GPT2: variants seen among roughly 807,000 people sequenced by gnomAD.
The protein encoded by GPT2 is glutamic--pyruvic transaminase 2, also known as alanine aminotransferase 2.
A neutral mutation model predicts 56.9 loss-of-function variants in GPT2; 30 were observed. That is an observed-to-expected ratio of 0.53 (90% CI 0.39 to 0.72). GPT2 has a LOEUF of 0.72. GPT2 is among the 30% of genes least tolerant of loss of function. GPT2 has a pLI of 0.00. For synonymous variants in GPT2, 271 were observed against 283.1 expected, an observed-to-expected ratio of 0.96 and a Z score of 0.43; for missense variants, 542 against 703.4, an observed-to-expected ratio of 0.77 and a Z score of 2.60.
intron 2 of GPT2, among the ~76,000 whole-genome samples, chr16:46,896,434 T>G (rs1960687415): frequency 6.6e-6 from 1 of 151,994 alleles, no homozygotes; most frequent in African/African-American, 2.4e-5. Flanking sequence ...CTTCAGTCAG[T>G]CTTTTTAATC....
rs192990566 is a variant in GPT2 at position 46,923,390 on chromosome 16, G to A, written c.1212+974G>A. Among the ~76,000 whole-genome samples the A allele has an allele frequency of 8.7e-4, 132 of 152,332 alleles. 1 individual carries two copies. The South Asian group carries it at 0.02, about 23-fold the overall frequency. ...GGAGAATCACTTGAACCCAGGAGGC[G>A]GAGGTTGCAGTGGGCTGAGATTGCG... On this transcript the variant is annotated intron_variant, in intron 9 of 11. Coordinates refer to ENST00000340124, the MANE Select transcript of GPT2 (RefSeq NM_133443.4).
At chr16:46,906,463 C>G (rs1336759240) in intron 4 of GPT2, among the ~76,000 whole-genome samples, 2 of 152,236 alleles carry the variant, frequency 1.3e-5, no homozygotes, top group African/African-American at 4.8e-5. Context: ...GCTCTAGTGA[C>G]TGACATTGTC....
intron 5 of GPT2, 66 bp downstream of exon 5, chr16:46,907,041 G>C (rs926174791): frequency 6.2e-7 from 1 of 1,602,796 alleles, no homozygotes; most frequent in South Asian, 1.1e-5. Context: ...TTGCCTGTTA[G>C]GGCCCAGCAT....
intron 2 of GPT2, 161 bp downstream of exon 2, chr16:46,885,119 C>G: frequency 7.4e-7 from 1 of 1,354,086 alleles, no homozygotes; most frequent in Non-Finnish European, 9.5e-7. Context: ...CGCCCGTTCA[C>G]TTACTGGTGC....
intron 4 of GPT2, among the ~76,000 whole-genome samples, chr16:46,901,150 C>T (rs1021138068): frequency 2.6e-5 from 4 of 152,340 alleles, no homozygotes; most frequent in African/African-American, 7.2e-5. Context: ...TGTTCAGCAT[C>T]CTTGCCTCTC....
intron 2 of GPT2, among the ~76,000 whole-genome samples, chr16:46,894,417 C>T (rs1960644708): frequency 6.6e-6 from 1 of 152,230 alleles, no homozygotes; most frequent in African/African-American, 2.4e-5. Context: ...ACAATTCAGT[C>T]AGGCTGAGCA....
intron 10 of GPT2, among the ~76,000 whole-genome samples, chr16:46,924,805 G>C (rs1361812691): frequency 2.0e-5 from 3 of 152,248 alleles, no homozygotes; most frequent in Non-Finnish European, 2.9e-5. Context: ...CTGCTCCCAA[G>C]GGCGGTGCCC....
At chr16:46,889,175 A>G (rs1289489271) in intron 2 of GPT2, among the ~76,000 whole-genome samples, 1 of 148,058 alleles carries the variant, frequency 6.8e-6, no homozygotes, top group African/African-American at 2.5e-5. Flanking sequence ...CACAAGGCGT[A>G]TGCCACCACG....
chr16:46,921,498 C>T (rs938564865), intron 8 of GPT2, among the ~76,000 whole-genome samples: 1 of 152,056 alleles, frequency 6.6e-6, no homozygotes, highest in African/African-American at 2.4e-5. Context: ...TACTAAGCAT[C>T]TCATTGTGTC....
intron 2 of GPT2, among the ~76,000 whole-genome samples, chr16:46,897,019 A>G (rs1035549591): frequency 6.6e-6 from 1 of 152,144 alleles, no homozygotes; most frequent in African/African-American, 2.4e-5. Context: ...CCATGATCAC[A>G]CCACTGCACT....
In GPT2 at chr16:46,911,746, A is replaced by G. The variant is rs148491804; in HGVS notation, c.820+1819A>G. Among the ~76,000 whole-genome samples, 25 of 152,292 alleles carry G rather than the reference A, an allele frequency of 1.6e-4. No homozygotes were observed. In the East Asian group the frequency reaches 4.6e-3, roughly 28 times the overall value. The stretch of plus-strand genomic sequence containing the variant: ...GGTTTGAGAGTTTGCATCTCTAACA[A>G]ATTCCCAGGTGATACTGATGCCGGG... On this transcript the variant is annotated intron_variant, in intron 6 of 11. Transcript: ENST00000340124.
At chr16:46,926,486 A>G (rs1486419306) in intron 10 of GPT2, among the ~76,000 whole-genome samples, 6 of 151,934 alleles carry the variant, frequency 3.9e-5, no homozygotes, top group Non-Finnish European at 7.4e-5. Flanking sequence ...AGAACCTGAG[A>G]ATCTGTAGTT....
Position 46,909,786 on chromosome 16 carries a change from G to A in GPT2, c.679G>A (p.Asp227Asn), listed in dbSNP as rs777897187. Residue 227 changes from aspartate to asparagine, a missense_variant, in exon 6 of 12, where the codon GAC becomes AAC. By Grantham distance (23) the Asp-to-Asn change is conservative. Coordinates refer to ENST00000340124, the MANE Select transcript of GPT2 (RefSeq NM_133443.4). ...PLYSAVISEL[D>N]AIQVNYYLDE... Reference sequence around the variant, plus strand: ...CTATTCAGCTGTCATCTCTGAGCTCGACGCCATCCAGGTGAATTACTACCT... The same window carrying A: ...CTATTCAGCTGTCATCTCTGAGCTCAACGCCATCCAGGTGAATTACTACCT... 21 of 1,614,132 alleles carry A rather than the reference G, an allele frequency of 1.3e-5. No individual in the cohort carries two copies. The highest frequency in any genetic ancestry group is 4.5e-5 in the East Asian group (2 of 44,884).
chr16:46,922,670 G>A (rs751327604), intron 9 of GPT2, among the ~76,000 whole-genome samples: 2 of 152,192 alleles, frequency 1.3e-5, no homozygotes, highest in Non-Finnish European at 1.5e-5. Context: ...CTCATGGCGA[G>A]TGTCGAAGAG....
At chr16:46,914,601 G>A (rs67369452) in intron 6 of GPT2, among the ~76,000 whole-genome samples, 21,786 of 152,186 alleles carry the variant, frequency 0.14, 1,789 homozygotes, top group African/African-American at 0.22. Context: ...GTCCTGCAGC[G>A]TGCTCATCTT....
At position 46,924,448 on chromosome 16, in the gene GPT2, T is replaced by A. The variant is rs1435831740; in HGVS notation, c.1272T>A (p.Phe424Leu). The A allele has an allele frequency of 3.7e-6, 6 of 1,614,246 alleles. No homozygotes were observed. The highest frequency in any genetic ancestry group is 5.1e-6 in the Non-Finnish European group (6 of 1,180,048). ...AKKAKLTEDL[F>L]NQVPGIHCNP... ...AAGCAAAGCTGACGGAAGACCTGTT[T>A]AACCAAGTCCCAGGAATTCACTGCA... The change falls in exon 10 of 12, where the codon TTT becomes TTA. Residue 424 changes from phenylalanine to leucine, a missense_variant. Physicochemically the swap from Phe to Leu is conservative, Grantham distance 22 (BLOSUM62 0). Coordinates refer to ENST00000340124, the MANE Select transcript of GPT2 (RefSeq NM_133443.4).
intron 4 of GPT2, among the ~76,000 whole-genome samples, chr16:46,906,458 A>G (rs1014472585): frequency 2.0e-4 from 31 of 152,218 alleles, no homozygotes; most frequent in Admixed American, 1.4e-3. Context: ...TCCCAGCTCT[A>G]GTGACTGACA....
Position 46,918,691 on chromosome 16 carries a change from G to T in GPT2, c.971G>T (p.Gly324Val). 1 of 1,614,178 alleles carries T rather than the reference G, an allele frequency of 6.2e-7. No individual in the cohort carries two copies. The highest frequency in any genetic ancestry group is 8.5e-7 in the Non-Finnish European group (1 of 1,180,030). The change falls in exon 8 of 12, where the codon GGG becomes GTG. Residue 324 changes from glycine to valine, a missense_variant. Coordinates refer to ENST00000340124, the MANE Select transcript of GPT2 (RefSeq NM_133443.4). ...HSFKKVLYEM[G>V]PEYSSNVELA... ...TTCAAGAAGGTGCTGTACGAGATGG[G>T]GCCCGAGTACTCCAGCAACGTGGAG...
chr16:46,884,730 G>T lies in GPT2; in HGVS notation c.15G>T (p.Ala5=). 1.4e-6 allele frequency: 2 copies of T among 1,382,732 alleles called. No individual in the cohort carries two copies. The highest frequency in any genetic ancestry group is 2.1e-5 in the South Asian group (1 of 47,914). The allele number at this position is 1,382,732 out of a possible 1,614,324, so 85.7% of individuals were successfully genotyped here. A position where few individuals can be genotyped will look rare whatever the true frequency, so the allele number is the denominator to read the frequency against. Reference sequence around the variant, plus strand: ...GCAAGCGCGCGATGCAGCGGGCGGCGGCGCTGGTCCGGCGGGGCTGTGGTC... The same window carrying T: ...GCAAGCGCGCGATGCAGCGGGCGGCTGCGCTGGTCCGGCGGGGCTGTGGTC... MQRA[A]ALVRRGCGPR... is the part of the protein sequence containing the mutation. Residue 5 remains alanine (A), a synonymous_variant, in exon 2 of 12, where the codon GCG becomes GCT. Coordinates refer to ENST00000340124, the MANE Select transcript of GPT2 (RefSeq NM_133443.4).
Sources: gnomAD v4.1 joint callset for allele counts (sites outside exome capture counted in the v4.1 genomes callset) on GRCh38, gnomAD v4.1.1 for gene constraint, MANE v1.5 for transcripts, NCBI Gene and HGNC (gene_info 2026-07-23, HGNC 2026-07-21) for gene names.